The following CNTN4 variants were observed in gnomAD, a reference collection of about 807,000 sequenced individuals.
CNTN4 encodes the protein contactin-4.
Under a neutral mutation model 122.5 loss-of-function variants are expected in CNTN4, and 77 were observed. The ratio of observed to expected loss-of-function variants is 0.63; its 90% CI spans 0.52 to 0.76. CNTN4 has a LOEUF of 0.76. CNTN4 is among the 30% of genes least tolerant of loss of function. CNTN4 has a pLI of 0.00. For missense variants in CNTN4, 1,256 were observed against 1,259.1 expected (o/e 1.00, Z 0.04); for synonymous variants, 512 against 447.0 (o/e 1.15, Z -1.83).
At chr3:2,687,213 T>C (rs1409650995) in intron 4 of CNTN4, among the ~76,000 whole-genome samples, 1 of 152,272 alleles carries the variant, frequency 6.6e-6, no homozygotes, top group Non-Finnish European at 1.5e-5. Context: ...GTTACATGTC[T>C]GCAGTGCGGC....
At chr3:2,917,167 G>A (rs1446850033) in intron 12 of CNTN4, among the ~76,000 whole-genome samples, 3 of 149,710 alleles carry the variant, frequency 2.0e-5, no homozygotes, top group East Asian at 4.1e-4. Context: ...CAGGCGTGGC[G>A]GCGCGCGCCT....
At chr3:2,247,976 C>T (rs1036651470) in intron 2 of CNTN4, among the ~76,000 whole-genome samples, 6 of 151,856 alleles carry the variant, frequency 4.0e-5, no homozygotes, top group Admixed American at 6.6e-5. Flanking sequence ...GAAGAATAGC[C>T]GCACCCTCTC....
chr3:2,560,705 G>A (rs373130484), intron 3 of CNTN4, among the ~76,000 whole-genome samples: 2 of 152,228 alleles, frequency 1.3e-5, no homozygotes, highest in African/African-American at 4.8e-5. Context: ...GACTGATACT[G>A]TTGCATTTGT....
intron 2 of CNTN4, among the ~76,000 whole-genome samples, chr3:2,233,115 C>T (rs201126036): frequency 1.7e-5 from 1 of 60,144 alleles, no homozygotes; most frequent in Admixed American, 1.5e-4. Flanking sequence ...TATTTTTAAA[C>T]TAATGGGGGT....
At chr3:2,130,697 C>T (rs1180473283) in intron 2 of CNTN4, among the ~76,000 whole-genome samples, 1 of 152,026 alleles carries the variant, frequency 6.6e-6, no homozygotes, top group African/African-American at 2.4e-5. Flanking sequence ...TTGTGGGATC[C>T]CTAGAGAGAA....
intron 3 of CNTN4, among the ~76,000 whole-genome samples, chr3:2,537,080 C>T (rs186935056): frequency 7.9e-5 from 12 of 152,034 alleles, no homozygotes; most frequent in African/African-American, 2.7e-4. Flanking sequence ...CTGCAGTATA[C>T]GAAAAGATGC....
intron 5 of CNTN4, among the ~76,000 whole-genome samples, chr3:2,744,134 T>G (rs1559455568): frequency 2.6e-5 from 4 of 152,200 alleles, no homozygotes. Context: ...TAATTTTGAC[T>G]AGAAATACTA....
intron 3 of CNTN4, among the ~76,000 whole-genome samples, chr3:2,503,843 G>A (rs1040849943): frequency 6.6e-6 from 1 of 152,004 alleles, no homozygotes; most frequent in African/African-American, 2.4e-5. Context: ...TTGAGCAAAG[G>A]AGGTTACTGG....
chr3:2,573,180 G>C (rs1250815497), intron 4 of CNTN4, among the ~76,000 whole-genome samples: 1 of 152,170 alleles, frequency 6.6e-6, no homozygotes, highest in Admixed American at 6.5e-5. Context: ...CAAGTTTATG[G>C]TTGCAAATTT....
chr3:2,498,744 AG>A (rs1453840352), intron 3 of CNTN4, among the ~76,000 whole-genome samples: 1 of 151,872 alleles, frequency 6.6e-6, no homozygotes, highest in Non-Finnish European at 1.5e-5. Context: ...GGCCTCCCAA[AG>A]GGCTGGTATT....
intron 12 of CNTN4, among the ~76,000 whole-genome samples, chr3:2,904,339 T>C (rs1430446224): frequency 6.6e-6 from 1 of 152,224 alleles, no homozygotes. Flanking sequence ...ATCTTGCATA[T>C]AGAAGTAAAT....
intron 4 of CNTN4, among the ~76,000 whole-genome samples, chr3:2,662,671 G>T (rs1172167080): frequency 6.6e-6 from 1 of 152,116 alleles, no homozygotes; most frequent in African/African-American, 2.4e-5. Flanking sequence ...GGCAACAGAA[G>T]GTATAGGGAC....
chr3:2,774,881 G>C (rs1227492422), intron 6 of CNTN4, among the ~76,000 whole-genome samples: 4 of 152,182 alleles, frequency 2.6e-5, no homozygotes, highest in African/African-American at 4.8e-5. Context: ...TTACAAAATA[G>C]CCTGTTGTAC....
At chr3:2,632,829 C>G (rs1050621958) in intron 4 of CNTN4, among the ~76,000 whole-genome samples, 1 of 152,054 alleles carries the variant, frequency 6.6e-6, no homozygotes, top group African/African-American at 2.4e-5. Flanking sequence ...CTCAGAAAAG[C>G]TGAGTAAATT....
intron 13 of CNTN4, among the ~76,000 whole-genome samples, chr3:2,958,950 G>C (rs1196002072): frequency 1.3e-5 from 2 of 152,096 alleles, no homozygotes; most frequent in Non-Finnish European, 2.9e-5. Context: ...CAAATAACTT[G>C]TTTGACAAAA....
intron 2 of CNTN4, among the ~76,000 whole-genome samples, chr3:2,141,002 C>T (rs766132503): frequency 1.6e-4 from 24 of 152,198 alleles, no homozygotes; most frequent in Admixed American, 2.6e-4. Context: ...TTCAAAGTTA[C>T]AGGTTATGTG....
chr3:3,051,903 G>A (rs1399477037), intron 23 of CNTN4, among the ~76,000 whole-genome samples: 2 of 152,180 alleles, frequency 1.3e-5, no homozygotes, highest in Admixed American at 6.5e-5. Context: ...GGAAGGATGA[G>A]CTAATCTCGT....
intron 4 of CNTN4, among the ~76,000 whole-genome samples, chr3:2,672,778 A>G (rs1215771530): frequency 6.6e-6 from 1 of 152,220 alleles, no homozygotes; most frequent in African/African-American, 2.4e-5. Flanking sequence ...CTCAAGGCAG[A>G]CAGGACCCTT....
In CNTN4 at chr3:2,510,292, A is replaced by G. The variant is rs184109369; in HGVS notation, c.-88-61124A>G. Among the ~76,000 whole-genome samples, 581 of 152,080 alleles carry G rather than the reference A, an allele frequency of 3.8e-3. 5 individuals are homozygous for G. The highest frequency in any genetic ancestry group is 0.014 in the Middle Eastern group (4 of 294). Reference sequence around the variant, plus strand: ...AGAATGTCACATTGTAAGCGTTCTCAGAGGTCTGCAGCAAAGCCCTTATTG... The same window carrying G: ...AGAATGTCACATTGTAAGCGTTCTCGGAGGTCTGCAGCAAAGCCCTTATTG... On this transcript the variant is annotated intron_variant, in intron 3 of 24. Transcript: ENST00000418658.
Sources: allele counts gnomAD v4.1 joint callset (sites outside exome capture counted in the v4.1 genomes callset), GRCh38; gene constraint gnomAD v4.1.1; transcripts MANE v1.5; gene names NCBI Gene and HGNC (gene_info 2026-07-23, HGNC 2026-07-21).